RIMBP2: variants seen among roughly 807,000 people sequenced by gnomAD.
RIMBP2 encodes the protein RIMS binding protein 2.
Under a neutral mutation model 118.6 loss-of-function variants are expected in RIMBP2, and 48 were observed. The observed-to-expected ratio is 0.40, with a 90% confidence interval of 0.32 to 0.51. The LOEUF is 0.51. RIMBP2 is among the 20% of genes least tolerant of loss of function. The probability of loss-of-function intolerance (pLI) is 0.41; values close to 1 mark genes in which losing one functional copy is unlikely to be tolerated. For missense variants in RIMBP2, 1,551 were observed against 1,768.3 expected (o/e 0.88, Z 2.20); for synonymous variants, 762 against 742.9 (o/e 1.03, Z -0.42).
chr12:130,559,450 A>C (rs923264059), intron 2 of RIMBP2, among the ~76,000 whole-genome samples: 1 of 152,132 alleles, frequency 6.6e-6, no homozygotes, highest in African/African-American at 2.4e-5. Context: ...TTCACTTAGC[A>C]TAGTGTCTCC....
At chr12:130,594,370 CA>C (rs1566328977) in intron 2 of RIMBP2, among the ~76,000 whole-genome samples, 2 of 152,178 alleles carry the variant, frequency 1.3e-5, no homozygotes, top group African/African-American at 4.8e-5. Context: ...GTAAACAAGA[CA>C]GAAGATAAGA....
At position 130,677,087 on chromosome 12, in the gene RIMBP2, G is replaced by A. The variant is rs74762374; in HGVS notation, c.-352+39135C>T. Among the ~76,000 whole-genome samples the A allele has an allele frequency of 7.9e-3, 1,207 of 152,234 alleles. 13 individuals carry two copies. The highest frequency in any genetic ancestry group is 0.028 in the African/African-American group (1,148 of 41,540). The stretch of plus-strand genomic sequence containing the variant: ...TCAGGAGGTGATTGTGGTGCCCAGG[G>A]GACAGCAGGTGATGCCTGGAGACAT... On this transcript the variant is annotated intron_variant, in intron 1 of 22. Transcript: ENST00000690449.
rs180688226 is a variant in RIMBP2, at chr12:130,680,977, C to A, written c.-352+35245G>T. 4.4e-3 allele frequency among the ~76,000 whole-genome samples: 668 copies of A among 152,352 alleles called. 7 individuals are homozygous for A. The highest frequency in any genetic ancestry group is 0.015 in the African/African-American group (627 of 41,588). ...ATCTCAGCTTATGCAGAGGAATACT[C>A]ATCTCTGTAGCATCTACAGGGCATT... On this transcript the variant is annotated intron_variant, in intron 1 of 22. Coordinates refer to ENST00000690449, the MANE Select transcript of RIMBP2 (RefSeq NM_001393629.1).
intron 7 of RIMBP2, among the ~76,000 whole-genome samples, chr12:130,455,079 CA>C (rs1305931517): frequency 1.3e-5 from 2 of 152,176 alleles, no homozygotes; most frequent in African/African-American, 2.4e-5. Context: ...GCTCTGGACC[CA>C]AGTCTCAGTG....
intron 1 of RIMBP2, among the ~76,000 whole-genome samples, chr12:130,628,776 T>G (rs143630692): frequency 1.3e-5 from 2 of 152,252 alleles, no homozygotes; most frequent in East Asian, 3.9e-4. Flanking sequence ...CCAAAAGAAA[T>G]GCACTTAGGG....
intron 1 of RIMBP2, among the ~76,000 whole-genome samples, chr12:130,649,500 C>T (rs968085164): frequency 6.6e-6 from 1 of 152,234 alleles, no homozygotes; most frequent in Non-Finnish European, 1.5e-5. Flanking sequence ...GACCCAAGGG[C>T]TGCTGGGAAA....
At chr12:130,608,932 G>A (rs1594021091) in intron 2 of RIMBP2, among the ~76,000 whole-genome samples, 1 of 152,050 alleles carries the variant, frequency 6.6e-6, no homozygotes, top group East Asian at 1.9e-4. Flanking sequence ...ATCTCCCCAT[G>A]GCCCCCAGCA....
intron 1 of RIMBP2, among the ~76,000 whole-genome samples, chr12:130,639,090 CTT>C (rs1245749561): frequency 6.6e-6 from 1 of 152,260 alleles, no homozygotes; most frequent in East Asian, 1.9e-4. Flanking sequence ...TAAAACTGCT[CTT>C]TTAATAAAAG....
intron 1 of RIMBP2, among the ~76,000 whole-genome samples, chr12:130,646,739 G>A (rs999899276): frequency 6.6e-6 from 1 of 152,254 alleles, no homozygotes; most frequent in Non-Finnish European, 1.5e-5. Context: ...ATCTCCTACA[G>A]GGCAAGAGAA....
chr12:130,576,868 T>C lies in RIMBP2; in HGVS notation c.-217+51454A>G, dbSNP rs1290503184. Among the ~76,000 whole-genome samples the C allele has an allele frequency of 1.3e-5, 2 of 152,136 alleles. No individual in the cohort carries two copies. Among genetic ancestry groups the C allele is most frequent in the Non-Finnish European group, 2.9e-5 (2 of 68,030 alleles). ...CAGTGCCTGGGAGCAAATATCTCCA[T>C]GTAGAAAGAGACCGACAGTGTGGCA... On this transcript the variant is annotated intron_variant, in intron 2 of 22. Coordinates refer to ENST00000690449, the MANE Select transcript of RIMBP2 (RefSeq NM_001393629.1). This position sits in a 1 kb window ranked among gnomAD's most constrained non-coding sequence, Gnocchi z 4.2.
intron 4 of RIMBP2, 28 bp from the exon 5 acceptor site, chr12:130,479,044 A>C: frequency 6.3e-7 from 1 of 1,588,582 alleles, no homozygotes; most frequent in East Asian, 2.2e-5. Context: ...GGCCTGGCTG[A>C]GCAGGGCAGC....
rs920375312 is a variant in RIMBP2, at chr12:130,620,380, G to A, written c.-217+7942C>T. ...AATCCCTGATGCTTCGCTGGCCCTC[G>A]CCATTGGTCCTTCTAGCAAATCCCC... is the stretch of plus-strand genomic sequence containing the variant. On this transcript the variant is annotated intron_variant, in intron 2 of 22. Transcript: ENST00000690449. The surrounding 1 kb of genome is among the most constrained non-coding windows in gnomAD (Gnocchi z 5.3). Among the ~76,000 whole-genome samples, 4 of 152,102 alleles carry A rather than the reference G, an allele frequency of 2.6e-5. No homozygotes were observed. Among genetic ancestry groups the A allele is most frequent in the African/African-American group, 9.7e-5 (4 of 41,420 alleles).
At chr12:130,686,221 C>T (rs758771441) in intron 1 of RIMBP2, among the ~76,000 whole-genome samples, 3 of 152,230 alleles carry the variant, frequency 2.0e-5, no homozygotes, top group Non-Finnish European at 2.9e-5. Context: ...AATAAAACCC[C>T]TCCTTCTGGA....
At chr12:130,439,884 T>G (rs2077968534) in intron 11 of RIMBP2, among the ~76,000 whole-genome samples, 1 of 144,464 alleles carries the variant, frequency 6.9e-6, no homozygotes, top group African/African-American at 2.5e-5. Flanking sequence ...TGTATGTGGG[T>G]ATGTGTATGT....
intron 2 of RIMBP2, among the ~76,000 whole-genome samples, chr12:130,602,127 C>T (rs11609572): frequency 0.48 from 73,506 of 152,086 alleles, 19,081 homozygotes; most frequent in Admixed American, 0.6. Context: ...GGCAAAACCT[C>T]GTCTCTACTA....
intron 2 of RIMBP2, among the ~76,000 whole-genome samples, chr12:130,572,964 G>T (rs1404591229): frequency 1.3e-5 from 2 of 152,080 alleles, no homozygotes; most frequent in African/African-American, 2.4e-5. Flanking sequence ...CCCCCGGGGG[G>T]ACAGAGCTGT....
In RIMBP2 at chr12:130,700,028, G is replaced by A. The variant is rs569478307; in HGVS notation, c.-352+16194C>T. ...ATTCTACGTAGGCCAAATAGAAAGC[G>A]TGTGTGGGTGGCTCTCAGCCCACAG... On this transcript the variant is annotated intron_variant, in intron 1 of 22. Coordinates refer to ENST00000690449, the MANE Select transcript of RIMBP2 (RefSeq NM_001393629.1). Among the ~76,000 whole-genome samples, 9 of 151,504 alleles carry A rather than the reference G, an allele frequency of 5.9e-5. No homozygotes were observed. The East Asian group carries it at 1.2e-3, about 20-fold the overall frequency.
intron 6 of RIMBP2, among the ~76,000 whole-genome samples, chr12:130,457,851 A>C (rs1193947918): frequency 1.3e-5 from 2 of 152,172 alleles, no homozygotes; most frequent in African/African-American, 4.8e-5. Flanking sequence ...CCTCGTGGGG[A>C]TGGCTTGTCA....
At chr12:130,646,052 TCCCTCACCACCTGCCTCTCCACC>T (rs2062870358) in intron 1 of RIMBP2, among the ~76,000 whole-genome samples, 2 of 130,162 alleles carry the variant, frequency 1.5e-5, no homozygotes, top group Non-Finnish European at 3.6e-5. Flanking sequence ...CCTCTCCACC[TCCCTCACCACCTGCCTCTCCACC>T]TCCCTCACCA....
Sources: gnomAD v4.1 joint callset for allele counts (sites outside exome capture counted in the v4.1 genomes callset) on GRCh38, gnomAD v4.1.1 for gene constraint, Gnocchi (gnomAD v3.1) non-coding constraint, MANE v1.5 for transcripts, NCBI Gene and HGNC (gene_info 2026-07-23, HGNC 2026-07-21) for gene names.